BNC2: variants seen among roughly 807,000 people sequenced by gnomAD.
The protein encoded by BNC2 is zinc finger protein basonuclin-2.
BNC2 carries 20 observed loss-of-function variants against 76.3 expected under a neutral mutation model. The observed-to-expected ratio is 0.26, with a 90% CI of 0.18 to 0.38. The LOEUF (loss-of-function observed/expected upper bound fraction) is 0.38. BNC2 is among the 10% of genes least tolerant of loss of function. The pLI is 1.00. For missense variants in BNC2, 1,382 were observed against 1,399.8 expected (o/e 0.99, Z 0.20); for synonymous variants, 582 against 514.8 (o/e 1.13, Z -1.77).
intron 2 of BNC2, among the ~76,000 whole-genome samples, chr9:16,737,537 A>ACG (rs1824711614): frequency 8.4e-6 from 1 of 119,586 alleles, no homozygotes; most frequent in Admixed American, 9.9e-5. Flanking sequence ...GGCGTGAGCC[A>ACG]CCGTGCCTGG....
intron 1 of BNC2, among the ~76,000 whole-genome samples, chr9:16,812,154 G>C (rs1028187304): frequency 2.0e-5 from 3 of 152,278 alleles, no homozygotes; most frequent in Non-Finnish European, 4.4e-5. Flanking sequence ...AGACTGAAGA[G>C]GGCACAGATC....
intron 5 of BNC2, among the ~76,000 whole-genome samples, chr9:16,440,919 C>T (rs988091368): frequency 5.3e-5 from 8 of 152,174 alleles, no homozygotes; most frequent in Admixed American, 1.3e-4. Flanking sequence ...TTTATATTTA[C>T]ACAGATAAAC....
intron 3 of BNC2, among the ~76,000 whole-genome samples, chr9:16,717,676 A>G (rs1824030722): frequency 6.6e-6 from 1 of 152,334 alleles, no homozygotes; most frequent in East Asian, 1.9e-4. Flanking sequence ...TGTTTTAGTT[A>G]ATCTGTGTTT....
At chr9:16,726,239 C>A (rs1161536916) in intron 3 of BNC2, among the ~76,000 whole-genome samples, 1 of 152,170 alleles carries the variant, frequency 6.6e-6, no homozygotes, top group Non-Finnish European at 1.5e-5. Flanking sequence ...GGAAATTGCA[C>A]ATGAAGAGTT....
intron 4 of BNC2, 134 bp downstream of exon 4, chr9:16,582,849 C>T (rs1466056416): frequency 4.0e-6 from 3 of 749,614 alleles, no homozygotes; most frequent in Non-Finnish European, 4.7e-6. Context: ...ACTTGGAGCA[C>T]AGCTGACCTC....
At position 16,437,568 on chromosome 9, in the gene BNC2, T is replaced by G. The variant is rs748591117; in HGVS notation, c.670-44A>C. The G allele has an allele frequency of 4.4e-6, 7 of 1,595,738 alleles. No homozygotes were observed. In the African/African-American group the frequency reaches 9.4e-5, roughly 21 times the overall value. ...AAACAACAAAGACAAACACAAAAACTTATTGATTGTGCATAATTATTCAAT... is the reference window on the plus strand; with the variant it reads ...AAACAACAAAGACAAACACAAAAACGTATTGATTGTGCATAATTATTCAAT... On this transcript the variant is annotated intron_variant, in intron 5 of 6. Transcript: ENST00000380672.
chr9:16,623,557 G>A (rs1227811698), intron 3 of BNC2, among the ~76,000 whole-genome samples: 2 of 152,092 alleles, frequency 1.3e-5, no homozygotes, highest in Admixed American at 6.6e-5. Context: ...CAATTCAGTC[G>A]ACTATTTAAA....
rs1295798337 is a variant in BNC2 at position 16,411,528 on chromosome 9, T to C, written c.*7461A>G. 6.6e-6 allele frequency: 1 copy of C among 152,654 alleles called. No homozygotes were observed. Among genetic ancestry groups the C allele is most frequent in the African/African-American group, 2.4e-5 (1 of 41,456 alleles). The allele number at this position is 152,654 out of a possible 1,614,324, so 9.5% of individuals were successfully genotyped here. On this transcript the variant is annotated 3_prime_UTR_variant, in exon 7 of 7. Transcript: ENST00000380672. ...GCAGAACTTGTGCAATTTTGGCAACTGGTTTTTCAATTAGGATTCTATTAA... is the reference window on the plus strand; with the variant it reads ...GCAGAACTTGTGCAATTTTGGCAACCGGTTTTTCAATTAGGATTCTATTAA...
chr9:16,549,002 G>A lies in BNC2; in HGVS notation c.669+3528C>T, dbSNP rs1818574697. ...AAATTAACTTTATAAAAAAAGTACAGGATCCTTGACCGATGTGCCAGCCTT... is the reference window on the plus strand; with the variant it reads ...AAATTAACTTTATAAAAAAAGTACAAGATCCTTGACCGATGTGCCAGCCTT... On this transcript the variant is annotated intron_variant, in intron 5 of 6. Transcript: ENST00000380672. 3.3e-5 allele frequency among the ~76,000 whole-genome samples: 5 copies of A among 152,176 alleles called. No individual in the cohort carries two copies. In the South Asian group the frequency reaches 1.0e-3, roughly 32 times the overall value.
intron 3 of BNC2, among the ~76,000 whole-genome samples, chr9:16,603,645 T>C (rs1820302111): frequency 6.6e-6 from 1 of 152,190 alleles, no homozygotes; most frequent in Admixed American, 6.5e-5. Context: ...TGCTTCACTT[T>C]AGGCAAAACT....
chr9:16,601,052 A>AT (rs1820230826), intron 3 of BNC2, among the ~76,000 whole-genome samples: 1 of 152,134 alleles, frequency 6.6e-6, no homozygotes, highest in African/African-American at 2.4e-5. Context: ...TAAAGGTGAG[A>AT]TTTATCACGT....
intron 5 of BNC2, among the ~76,000 whole-genome samples, chr9:16,446,016 G>C (rs1821223830): frequency 6.6e-6 from 1 of 152,126 alleles, no homozygotes; most frequent in African/African-American, 2.4e-5. Context: ...TTCCCATCAA[G>C]ATAAATAACT....
In BNC2 at chr9:16,418,215, T is replaced by C. The variant is rs1418428181; in HGVS notation, c.*774A>G. 1.3e-5 allele frequency: 2 copies of C among 152,638 alleles called. No homozygotes were observed. The highest frequency in any genetic ancestry group is 1.3e-4 in the Admixed American group (2 of 15,286). The allele number at this position is 152,638 out of a possible 1,614,324, so 9.5% of individuals were successfully genotyped here. ...TACTAGTACAGGACATTTTAAAAAA[T>C]CAGATCTGTGCTGTAAAGCATGCCA... On this transcript the variant is annotated 3_prime_UTR_variant, in exon 7 of 7. Coordinates refer to ENST00000380672, the MANE Select transcript of BNC2 (RefSeq NM_017637.6).
intron 1 of BNC2, among the ~76,000 whole-genome samples, chr9:16,780,157 A>C (rs1325008476): frequency 2.1e-5 from 3 of 142,038 alleles, no homozygotes; most frequent in Non-Finnish European, 3.0e-5. Flanking sequence ...AATGGCGCGA[A>C]CCTGGGAGGC....
In BNC2 at chr9:16,704,362, G is replaced by C. The variant is rs571296854; in HGVS notation, c.330+23435C>G. 2.0e-5 allele frequency among the ~76,000 whole-genome samples: 3 copies of C among 152,194 alleles called. No homozygotes were observed. The South Asian group carries it at 6.2e-4, about 32-fold the overall frequency. On this transcript the variant is annotated intron_variant, in intron 3 of 6. Transcript: ENST00000380672. ...CAATCTGCAAAATGGATATAACTGA[G>C]ACAAATGCAAAGACTGAAAATATCC...
chr9:16,454,492 T>A (rs1286033140), intron 5 of BNC2, among the ~76,000 whole-genome samples: 1 of 152,092 alleles, frequency 6.6e-6, no homozygotes, highest in African/African-American at 2.4e-5. Context: ...TGTACAGAGA[T>A]GGGATCTCAT....
chr9:16,638,466 T>C (rs1821391718), intron 3 of BNC2, among the ~76,000 whole-genome samples: 1 of 152,186 alleles, frequency 6.6e-6, no homozygotes, highest in Non-Finnish European at 1.5e-5. Flanking sequence ...TAAGAAAGTT[T>C]AATAATTAAG....
intron 5 of BNC2, among the ~76,000 whole-genome samples, chr9:16,521,376 C>A (rs980630738): frequency 1.3e-5 from 2 of 152,150 alleles, no homozygotes; most frequent in Non-Finnish European, 2.9e-5. Flanking sequence ...GGAATGGGGA[C>A]AATGTTGCTG....
chr9:16,747,530 T>C (rs1374581610), intron 1 of BNC2, among the ~76,000 whole-genome samples: 1 of 152,216 alleles, frequency 6.6e-6, no homozygotes, highest in Non-Finnish European at 1.5e-5. Flanking sequence ...ATTATTATTC[T>C]CATTTTACCA....
Sources: gnomAD v4.1 joint callset for allele counts (sites outside exome capture counted in the v4.1 genomes callset) on GRCh38, gnomAD v4.1.1 for gene constraint, MANE v1.5 for transcripts, NCBI Gene and HGNC (gene_info 2026-07-23, HGNC 2026-07-21) for gene names.